Variants in CSMD1 observed in about 807,000 individuals in gnomAD.
The protein encoded by CSMD1 is CUB and sushi domain-containing protein 1.
A neutral mutation model predicts 417.5 loss-of-function variants in CSMD1; 213 were observed. The observed-to-expected ratio is 0.51, with a 90% CI of 0.46 to 0.57. CSMD1 has a LOEUF of 0.57. Among genes scored for constraint, CSMD1 ranks in the 20% least tolerant of loss-of-function variants. The pLI is 0.00. For missense variants in CSMD1, 6,923 were observed against 4,529.7 expected, an observed-to-expected ratio of 1.53 and a Z score of -15.17; for synonymous variants, 2,862 against 1,736.8, an observed-to-expected ratio of 1.65 and a Z score of -16.11.
chr8:4,587,171 C>G (rs989843325), intron 2 of CSMD1, among the ~76,000 whole-genome samples: 5 of 152,110 alleles, frequency 3.3e-5, no homozygotes, highest in Admixed American at 2.6e-4. Context: ...AGCCAACCAG[C>G]TTTTATGGCT....
intron 6 of CSMD1, among the ~76,000 whole-genome samples, chr8:3,738,588 T>C (rs1202357387): frequency 3.3e-5 from 5 of 152,168 alleles, no homozygotes; most frequent in South Asian, 4.1e-4. Flanking sequence ...GTCACGGGGA[T>C]GGCAAACATC....
chr8:4,089,762 G>A (rs1415268172), intron 3 of CSMD1, among the ~76,000 whole-genome samples: 2 of 152,090 alleles, frequency 1.3e-5, no homozygotes, highest in East Asian at 1.9e-4. Flanking sequence ...TAGTTTGGGG[G>A]TATTTTTGTT....
intron 5 of CSMD1, among the ~76,000 whole-genome samples, chr8:3,884,784 C>T (rs1019703198): frequency 2.0e-5 from 3 of 151,978 alleles, no homozygotes; most frequent in East Asian, 3.9e-4. Flanking sequence ...GTATTCACCT[C>T]TATTGTGTAC....
At chr8:4,975,964 G>T (rs575969448) in intron 1 of CSMD1, among the ~76,000 whole-genome samples, 67 of 152,282 alleles carry the variant, frequency 4.4e-4, no homozygotes, top group African/African-American at 1.4e-3. Context: ...GAGAAAATCT[G>T]CTTGAAAAAG....
intron 1 of CSMD1, among the ~76,000 whole-genome samples, chr8:4,688,883 T>G (rs1440056541): frequency 1.3e-5 from 2 of 152,198 alleles, no homozygotes; most frequent in African/African-American, 2.4e-5. Context: ...ATTCTATAAC[T>G]CACGTCAGTG....
At chr8:4,121,323 C>A (rs1308756649) in intron 3 of CSMD1, among the ~76,000 whole-genome samples, 1 of 152,070 alleles carries the variant, frequency 6.6e-6, no homozygotes, top group African/African-American at 2.4e-5. Flanking sequence ...CCATGTTGGC[C>A]AGGCTGGTCT....
intron 2 of CSMD1, among the ~76,000 whole-genome samples, chr8:4,490,733 GCCAGGATAAC>G (rs761318914): frequency 6.6e-6 from 1 of 152,192 alleles, no homozygotes; most frequent in Non-Finnish European, 1.5e-5. Flanking sequence ...GAGGCCAGAA[GCCAGGATAAC>G]CCAGGGTCAG....
intron 25 of CSMD1, among the ~76,000 whole-genome samples, chr8:3,300,705 C>T (rs936243961): frequency 2.6e-5 from 4 of 151,744 alleles, no homozygotes; most frequent in Non-Finnish European, 5.9e-5. Flanking sequence ...GCTTCTAATC[C>T]CAGTGCTTTG....
At chr8:3,372,127 G>C (rs1484538561) in intron 18 of CSMD1, among the ~76,000 whole-genome samples, 1 of 152,146 alleles carries the variant, frequency 6.6e-6, no homozygotes, top group Non-Finnish European at 1.5e-5. Flanking sequence ...AAAAGGGATG[G>C]GATAGTGTGA....
chr8:4,258,333 G>A (rs1030669783), intron 3 of CSMD1, among the ~76,000 whole-genome samples: 1 of 79,944 alleles, frequency 1.3e-5, no homozygotes, highest in African/African-American at 5.4e-5. Flanking sequence ...AGAAAGAGAG[G>A]GAGGGAGGGG....
Position 4,040,741 on chromosome 8 carries a change from A to G in CSMD1, c.416-8642T>C, listed in dbSNP as rs116558469. Among the ~76,000 whole-genome samples the G allele has an allele frequency of 2.8e-3, 431 of 152,318 alleles. 2 individuals carry two copies. Among genetic ancestry groups the G allele is most frequent in the African/African-American group, 9.9e-3 (412 of 41,558 alleles). The stretch of plus-strand genomic sequence containing the variant: ...GCAGGAGAGACTGCAGCAAAGTCAA[A>G]AACAAGGTAAGCGACCAGTTGGCAA... On this transcript the variant is annotated intron_variant, in intron 3 of 69. Transcript: ENST00000635120.
intron 37 of CSMD1, among the ~76,000 whole-genome samples, chr8:3,167,711 G>C (rs1237786914): frequency 6.6e-6 from 1 of 152,200 alleles, no homozygotes; most frequent in South Asian, 2.1e-4. Flanking sequence ...CCATTAAGAA[G>C]ATGAGTGTCC....
chr8:3,954,438 C>T (rs1811798924), intron 5 of CSMD1, among the ~76,000 whole-genome samples: 1 of 152,148 alleles, frequency 6.6e-6, no homozygotes, highest in African/African-American at 2.4e-5. Context: ...GTGATCTCAG[C>T]TCACTGCAAC....
intron 3 of CSMD1, among the ~76,000 whole-genome samples, chr8:4,273,721 G>A (rs188382813): frequency 1.3e-5 from 2 of 152,260 alleles, no homozygotes; most frequent in Admixed American, 6.5e-5. Flanking sequence ...AGGATTTGTA[G>A]CTAGACCATC....
chr8:3,641,588 G>A (rs1246795319), intron 7 of CSMD1, among the ~76,000 whole-genome samples: 2 of 152,148 alleles, frequency 1.3e-5, no homozygotes, highest in Non-Finnish European at 2.9e-5. Flanking sequence ...CATGATTTAT[G>A]CTTCTTATGT....
Position 3,635,093 on chromosome 8 carries a change from G to C in CSMD1, c.1010-18296C>G, listed in dbSNP as rs574029793. Among the ~76,000 whole-genome samples the C allele has an allele frequency of 4.6e-5, 7 of 152,162 alleles. No individual in the cohort carries two copies. In the South Asian group the frequency reaches 1.2e-3, roughly 27 times the overall value. The stretch of plus-strand genomic sequence containing the variant: ...CTATATAAGATACTTACTATAAACA[G>C]AGCTTGTGGGCCTTGACGTTGCTCT... On this transcript the variant is annotated intron_variant, in intron 7 of 69. Transcript: ENST00000635120.
chr8:3,748,800 A>G (rs2129052555), intron 6 of CSMD1, among the ~76,000 whole-genome samples: 1 of 152,358 alleles, frequency 6.6e-6, no homozygotes, highest in South Asian at 2.1e-4. Flanking sequence ...TTTAATTAAA[A>G]GGGAAAATCA....
intron 1 of CSMD1, among the ~76,000 whole-genome samples, chr8:4,914,527 G>A (rs1805922034): frequency 6.7e-6 from 1 of 149,888 alleles, no homozygotes; most frequent in Non-Finnish European, 1.5e-5. Context: ...GCAGTGAGCT[G>A]AGATCGCGCC....
chr8:4,956,758 T>G (rs944380806), intron 1 of CSMD1, among the ~76,000 whole-genome samples: 3 of 152,134 alleles, frequency 2.0e-5, no homozygotes, highest in Non-Finnish European at 4.4e-5. Flanking sequence ...TTCCAGGGAA[T>G]GGAGACTTCA....
Sources: allele counts gnomAD v4.1 joint callset (sites outside exome capture counted in the v4.1 genomes callset), GRCh38; gene constraint gnomAD v4.1.1; transcripts MANE v1.5; gene names NCBI Gene and HGNC (gene_info 2026-07-23, HGNC 2026-07-21).